RAPH1: variants seen among roughly 807,000 people sequenced by gnomAD.
RAPH1 encodes the protein ras-associated and pleckstrin homology domains-containing protein 1.
A neutral mutation model predicts 88.1 loss-of-function variants in RAPH1; 18 were observed. The ratio of observed to expected loss-of-function variants is 0.20; its 90% CI spans 0.14 to 0.30. The LOEUF (loss-of-function observed/expected upper bound fraction) is 0.30, where lower values mean the gene tolerates loss of function less well. Among genes scored for constraint, RAPH1 ranks in the 10% least tolerant of loss-of-function variants. The pLI is 1.00. For missense variants in RAPH1, 1,448 were observed against 1,543.2 expected (o/e 0.94, Z 1.03); for synonymous variants, 587 against 559.0 (o/e 1.05, Z -0.71).
intron 1 of RAPH1, among the ~76,000 whole-genome samples, chr2:203,507,647 C>A (rs1689147763): frequency 6.6e-6 from 1 of 152,138 alleles, no homozygotes; most frequent in African/African-American, 2.4e-5. Flanking sequence ...TTGGCCAACA[C>A]TTTTCAATAA....
rs1200502865 is a variant in RAPH1, at chr2:203,434,210, T to G, written c.*5227A>C. ...ACTGAGCTGTGCATAATCCTTTGAATAATAATGTCCTCTACCTGGTACATT... is the reference window on the plus strand; with the variant it reads ...ACTGAGCTGTGCATAATCCTTTGAAGAATAATGTCCTCTACCTGGTACATT... On this transcript the variant is annotated 3_prime_UTR_variant, in exon 14 of 14. Coordinates refer to ENST00000319170, the MANE Select transcript of RAPH1 (RefSeq NM_213589.3). 6.6e-6 allele frequency: 1 copy of G among 152,568 alleles called. No individual in the cohort carries two copies. The highest frequency in any genetic ancestry group is 1.5e-5 in the Non-Finnish European group (1 of 68,016). The allele number at this position is 152,568 out of a possible 1,614,324, so 9.5% of individuals were successfully genotyped here. A position where few individuals can be genotyped will look rare whatever the true frequency, so the allele number is the denominator to read the frequency against.
intron 13 of RAPH1, chr2:203,442,971 T>C (rs952035347): frequency 7.2e-5 from 11 of 152,182 alleles, no homozygotes; most frequent in Admixed American, 3.3e-4. Context: ...TCCATCCAAA[T>C]TGATTAAATG....
intron 4 of RAPH1, among the ~76,000 whole-genome samples, chr2:203,472,710 AAAT>A (rs2098534256): frequency 6.6e-6 from 1 of 152,246 alleles, no homozygotes; most frequent in Non-Finnish European, 1.5e-5. Flanking sequence ...AAATTTAAAA[AAAT>A]AAAATCTGCC....
chr2:203,473,158 GAACTGTA>G (rs1490499606), intron 4 of RAPH1, among the ~76,000 whole-genome samples: 1 of 152,148 alleles, frequency 6.6e-6, no homozygotes, highest in East Asian at 1.9e-4. Flanking sequence ...ATGGTGGCTT[GAACTGTA>G]ATCCCAGCTA....
At chr2:203,462,619 T>C (rs1215699884) in intron 4 of RAPH1, among the ~76,000 whole-genome samples, 1 of 152,226 alleles carries the variant, frequency 6.6e-6, no homozygotes, top group African/African-American at 2.4e-5. Context: ...ATGCTAAATA[T>C]GATTTTCCAA....
At chr2:203,465,020 A>ACT (rs2098527379) in intron 4 of RAPH1, among the ~76,000 whole-genome samples, 1 of 152,202 alleles carries the variant, frequency 6.6e-6, no homozygotes, top group Non-Finnish European at 1.5e-5. Flanking sequence ...AACAATAGGA[A>ACT]CTCTCATTCA....
At chr2:203,447,936 T>A in intron 12 of RAPH1, 23 bp downstream of exon 12, 1 of 1,613,212 alleles carries the variant, frequency 6.2e-7, no homozygotes, top group Non-Finnish European at 8.5e-7. Flanking sequence ...CGCAAAATAG[T>A]GCTTTGAAGC....
In RAPH1 at chr2:203,440,458, A is replaced by G. The variant is rs1369661719; in HGVS notation, c.2732T>C (p.Val911Ala). The G allele has an allele frequency of 3.9e-6, 6 of 1,541,774 alleles. No homozygotes were observed. The East Asian group carries it at 1.4e-4, about 35-fold the overall frequency. ...KPKWQPSSIP[V>A]PSPDFPPPPP... ...GGGAGGAGGGAAGTCCGGAGAAGGG[A>G]CTGGGATGGAGCTGGGCTGCCACTT... The change falls in exon 14 of 14, where the codon GTC becomes GCC. Residue 911 changes from valine to alanine, a missense_variant. By Grantham distance (64) the Val-to-Ala change is moderately conservative. Around this residue, in one of 2 missense-constraint regions of RAPH1, gnomAD observed 935 missense variants for 890.1 expected, o/e 1.05. Transcript: ENST00000319170.
intron 1 of RAPH1, among the ~76,000 whole-genome samples, chr2:203,503,447 G>C (rs1474921784): frequency 2.6e-5 from 4 of 152,132 alleles, no homozygotes; most frequent in African/African-American, 9.7e-5. Context: ...AAACCCATCA[G>C]ATCTCATGAA....
In RAPH1 at chr2:203,439,751, C is replaced by T. The variant is rs1295460011; in HGVS notation, c.3439G>A (p.Val1147Ile). Residue 1147 changes from valine to isoleucine, a missense_variant, in exon 14 of 14, where the codon GTT becomes ATT. Val to Ile is a conservative substitution (Grantham distance 29). Around this residue, in one of 2 missense-constraint regions of RAPH1, gnomAD observed 935 missense variants for 890.1 expected, o/e 1.05. Transcript: ENST00000319170. ...GGAGAGGTGGGCACTTGTGGCACAACTGTGGCCATTGTTGGCTGCTCAGAA... is the reference window on the plus strand; with the variant it reads ...GGAGAGGTGGGCACTTGTGGCACAATTGTGGCCATTGTTGGCTGCTCAGAA... Reference protein sequence around the residue: ...EISEQPTMATVVPQVPTSPKS... With the variant: ...EISEQPTMATIVPQVPTSPKS... 1.2e-6 allele frequency: 2 copies of T among 1,614,022 alleles called. No homozygotes were observed. The highest frequency in any genetic ancestry group is 2.7e-5 in the African/African-American group (2 of 74,926).
At chr2:203,461,173 A>G (rs2098523932) in intron 6 of RAPH1, 76 bp downstream of exon 6, 1 of 801,834 alleles carries the variant, frequency 1.2e-6, no homozygotes, top group Non-Finnish European at 1.8e-6. Context: ...AGATAACTCA[A>G]AATGTTTTTA....
Position 203,506,743 on chromosome 2 carries a change from T to TAG in RAPH1, c.1-11391_1-11390insCT, listed in dbSNP as rs1491398406. ...TAAAATCCATATATAGATATATATC[T>TAG]ATATATATATATATCTATATATATA... is the stretch of plus-strand genomic sequence containing the variant. On this transcript the variant is annotated intron_variant, in intron 1 of 13. Transcript: ENST00000319170. 1.7e-4 allele frequency among the ~76,000 whole-genome samples: 18 copies of TAG among 107,146 alleles called. 2 individuals are homozygous for TAG. The highest frequency in any genetic ancestry group is 9.7e-4 in the South Asian group (4 of 4,112). The allele number at this position is 107,146 out of a possible 152,430, so 70.3% of individuals were successfully genotyped here. A position where few individuals can be genotyped will look rare whatever the true frequency, so the allele number is the denominator to read the frequency against.
intron 1 of RAPH1, among the ~76,000 whole-genome samples, chr2:203,516,070 T>C (rs1581397813): frequency 1.3e-5 from 2 of 152,218 alleles, no homozygotes; most frequent in Admixed American, 1.3e-4. Flanking sequence ...TATATATGCT[T>C]ATGTATGCTT....
intron 7 of RAPH1, among the ~76,000 whole-genome samples, chr2:203,459,548 AC>A (rs1044889228): frequency 6.6e-6 from 1 of 152,224 alleles, no homozygotes; most frequent in Non-Finnish European, 1.5e-5. Context: ...GTAGAGAAGT[AC>A]TTTTCTTTGA....
rs1472795903 is a variant in RAPH1, at chr2:203,489,011, C to G, written c.732+573G>C. Among the ~76,000 whole-genome samples the G allele has an allele frequency of 4.6e-5, 7 of 152,146 alleles. No individual in the cohort carries two copies. In the East Asian group the frequency reaches 1.4e-3, roughly 29 times the overall value. On this transcript the variant is annotated intron_variant, in intron 4 of 13. Transcript: ENST00000319170. Reference sequence around the variant, plus strand: ...TGGTGGTGAGCGCCTGTAATCCCAGCTACACTTGGGAGTCTGAGGCAGGAG... The same window carrying G: ...TGGTGGTGAGCGCCTGTAATCCCAGGTACACTTGGGAGTCTGAGGCAGGAG...
chr2:203,489,466 A>C (rs961607543), intron 4 of RAPH1, 118 bp downstream of exon 4: 10 of 731,524 alleles, frequency 1.4e-5, no homozygotes, highest in Non-Finnish European at 1.8e-5. Flanking sequence ...CTATCTCAGA[A>C]GTATCTTTGA....
At chr2:203,506,806 C>CTATATATATATA (rs1559494440) in intron 1 of RAPH1, among the ~76,000 whole-genome samples, 1 of 90,542 alleles carries the variant, frequency 1.1e-5, no homozygotes, top group South Asian at 3.1e-4. Flanking sequence ...ATATATATAT[C>CTATATATATATA]TATATCTATA....
At position 203,448,765 on chromosome 2, in the gene RAPH1, C is replaced by G. The variant is rs752350209; in HGVS notation, c.1485G>C (p.Gln495His). 2.5e-6 allele frequency: 4 copies of G among 1,609,610 alleles called. No individual in the cohort carries two copies. The Admixed American group carries it at 6.7e-5, about 27-fold the overall frequency. Reference sequence around the variant, plus strand: ...TTGCAATGCGGATCCCATTGACCCACTGATGCAGTGTCCTCACATCATCAC... The same window carrying G: ...TTGCAATGCGGATCCCATTGACCCAGTGATGCAGTGTCCTCACATCATCAC... ...LCCDDVRTLH[Q>H]WVNGIRIAKY... The change falls in exon 11 of 14, where the codon CAG becomes CAC. Residue 495 changes from glutamine (Q) to histidine (H), a missense_variant. Physicochemically the swap from Gln to His is conservative, Grantham distance 24. Coordinates refer to ENST00000319170, the MANE Select transcript of RAPH1 (RefSeq NM_213589.3). The surrounding 1 kb of genome is among the most constrained non-coding windows in gnomAD (Gnocchi z 4.1).
intron 3 of RAPH1, among the ~76,000 whole-genome samples, chr2:203,490,702 T>C (rs1256468681): frequency 2.6e-5 from 4 of 152,198 alleles, no homozygotes; most frequent in Admixed American, 6.5e-5. Flanking sequence ...TAGTTTGCTT[T>C]TCTCTGTGAT....
Sources: allele counts gnomAD v4.1 joint callset (sites outside exome capture counted in the v4.1 genomes callset), GRCh38; gene constraint gnomAD v4.1.1; regional missense constraint gnomAD v4.1.1; non-coding constraint Gnocchi (gnomAD v3.1); transcripts MANE v1.5; gene names NCBI Gene and HGNC (gene_info 2026-07-23, HGNC 2026-07-21).